CNTNAP2: variants seen among roughly 807,000 people sequenced by gnomAD.
CNTNAP2 encodes contactin-associated protein-like 2.
CNTNAP2 carries 98 observed loss-of-function variants against 155.2 expected under a neutral mutation model. The observed-to-expected ratio is 0.63, with a 90% CI of 0.54 to 0.75. The LOEUF (loss-of-function observed/expected upper bound fraction) is 0.75. Among genes scored for constraint, CNTNAP2 ranks in the 30% least tolerant of loss-of-function variants. The pLI is 0.00. For synonymous variants in CNTNAP2, 651 were observed against 631.2 expected, an observed-to-expected ratio of 1.03 and a Z score of -0.47; for missense variants, 1,727 against 1,688.1, an observed-to-expected ratio of 1.02 and a Z score of -0.40.
intron 1 of CNTNAP2, among the ~76,000 whole-genome samples, chr7:146,674,494 G>A (rs1018759937): frequency 9.3e-6 from 1 of 107,554 alleles, no homozygotes; most frequent in African/African-American, 3.7e-5. Flanking sequence ...CCTCTGTCTG[G>A]TGGAGGAAAA....
chr7:147,558,763 G>C (rs1447824245), intron 11 of CNTNAP2, among the ~76,000 whole-genome samples: 4 of 145,594 alleles, frequency 2.7e-5, no homozygotes, highest in South Asian at 2.2e-4. Flanking sequence ...CTTTCTTTGA[G>C]ATGGAGTCTT....
chr7:147,176,091 A>T (rs1802333387), intron 8 of CNTNAP2, among the ~76,000 whole-genome samples: 1 of 152,162 alleles, frequency 6.6e-6, no homozygotes, highest in Admixed American at 6.5e-5. Context: ...CCGTACTCAT[A>T]AGGATGGCTA....
intron 14 of CNTNAP2, among the ~76,000 whole-genome samples, chr7:147,968,290 G>A (rs1801260600): frequency 6.6e-6 from 1 of 152,222 alleles, no homozygotes; most frequent in Non-Finnish European, 1.5e-5. Context: ...CTCACATTTT[G>A]TAAAAGGCCT....
chr7:146,187,329 T>C (rs1798638493), intron 1 of CNTNAP2, among the ~76,000 whole-genome samples: 1 of 152,104 alleles, frequency 6.6e-6, no homozygotes, highest in Non-Finnish European at 1.5e-5. Flanking sequence ...TAGACCACAC[T>C]GTTGGCAGGC....
At chr7:147,352,462 T>A (rs1231963408) in intron 9 of CNTNAP2, among the ~76,000 whole-genome samples, 1 of 152,006 alleles carries the variant, frequency 6.6e-6, no homozygotes, top group African/African-American at 2.4e-5. Context: ...GCATATTCAA[T>A]AAAAGTTGTC....
chr7:146,914,460 A>T (rs1044953499), intron 3 of CNTNAP2, among the ~76,000 whole-genome samples: 7 of 150,174 alleles, frequency 4.7e-5, no homozygotes, highest in African/African-American at 9.7e-5. Context: ...AACATCTATT[A>T]TTTTTTTTTA....
At position 148,383,896 on chromosome 7, in the gene CNTNAP2, C is replaced by G; in HGVS notation, c.3715+8C>G. 2 of 1,612,292 alleles carry G rather than the reference C, an allele frequency of 1.2e-6. No homozygotes were observed. The highest frequency in any genetic ancestry group is 8.5e-7 in the Non-Finnish European group (1 of 1,179,440). ...TGGATCACCTGGATTCAGGTAAAGTCTTCAGCAACCTCAGGCAGGTTGCTT... is the reference window on the plus strand; with the variant it reads ...TGGATCACCTGGATTCAGGTAAAGTGTTCAGCAACCTCAGGCAGGTTGCTT... On this transcript the variant is annotated splice_region_variant and intron_variant, in intron 22 of 23. Coordinates refer to ENST00000361727, the MANE Select transcript of CNTNAP2 (RefSeq NM_014141.6).
chr7:147,732,916 T>C (rs961013327), intron 13 of CNTNAP2, among the ~76,000 whole-genome samples: 25 of 152,246 alleles, frequency 1.6e-4, no homozygotes, highest in Non-Finnish European at 3.1e-4. Context: ...TTGAGTTCTT[T>C]GTAGATTCTG....
At chr7:146,952,976 T>C (rs1268368361) in intron 3 of CNTNAP2, among the ~76,000 whole-genome samples, 1 of 152,072 alleles carries the variant, frequency 6.6e-6, no homozygotes. Context: ...TCCTCTGAGA[T>C]GATAGTTGAT....
chr7:146,271,185 A>G (rs758684086), intron 1 of CNTNAP2, among the ~76,000 whole-genome samples: 7 of 152,098 alleles, frequency 4.6e-5, no homozygotes, highest in Non-Finnish European at 7.4e-5. Flanking sequence ...ATTTCTAAAA[A>G]TCGTATTTAG....
At chr7:146,264,787 G>A (rs1295947393) in intron 1 of CNTNAP2, among the ~76,000 whole-genome samples, 1 of 152,228 alleles carries the variant, frequency 6.6e-6, no homozygotes, top group Non-Finnish European at 1.5e-5. Context: ...GCAGATCGTT[G>A]TGGAAGCTAG....
At chr7:147,695,973 G>C (rs745641485) in intron 13 of CNTNAP2, among the ~76,000 whole-genome samples, 88 of 152,248 alleles carry the variant, frequency 5.8e-4, no homozygotes, top group East Asian at 1.9e-4. Flanking sequence ...AATCTGCTCT[G>C]TCTGAAATTA....
intron 1 of CNTNAP2, among the ~76,000 whole-genome samples, chr7:146,355,373 G>A (rs1031452263): frequency 6.6e-6 from 1 of 152,102 alleles, no homozygotes; most frequent in Non-Finnish European, 1.5e-5. Flanking sequence ...ACAGCATGGG[G>A]TTCCAATAAC....
At chr7:147,321,928 C>A (rs1346196735) in intron 9 of CNTNAP2, among the ~76,000 whole-genome samples, 2 of 152,104 alleles carry the variant, frequency 1.3e-5, no homozygotes, top group African/African-American at 4.8e-5. Flanking sequence ...GTAACAGAGA[C>A]TGAAATTAAC....
intron 1 of CNTNAP2, among the ~76,000 whole-genome samples, chr7:146,431,925 C>T (rs1796178712): frequency 6.6e-6 from 1 of 152,046 alleles, no homozygotes; most frequent in Non-Finnish European, 1.5e-5. Context: ...ACATCAAATA[C>T]ATTTGTTTGC....
intron 1 of CNTNAP2, among the ~76,000 whole-genome samples, chr7:146,377,976 T>C (rs1046318140): frequency 6.6e-6 from 1 of 152,238 alleles, no homozygotes; most frequent in Non-Finnish European, 1.5e-5. Context: ...GTTACTATGC[T>C]ACTTATTTTC....
intron 3 of CNTNAP2, among the ~76,000 whole-genome samples, chr7:146,983,509 C>T (rs531821972): frequency 1.3e-5 from 2 of 152,276 alleles, no homozygotes; most frequent in East Asian, 3.9e-4. Context: ...TTCAGGATGC[C>T]TCCCTTGCCC....
chr7:147,805,048 A>T (rs1037312207), intron 13 of CNTNAP2, among the ~76,000 whole-genome samples: 1 of 151,912 alleles, frequency 6.6e-6, no homozygotes, highest in African/African-American at 2.4e-5. Context: ...GCTTCCTCTC[A>T]ATCAAAATGA....
Position 147,599,422 on chromosome 7 carries a change from G to A in CNTNAP2, c.1897+37165G>A, listed in dbSNP as rs562773461. 2.0e-5 allele frequency among the ~76,000 whole-genome samples: 3 copies of A among 149,310 alleles called. 1 individual carries two copies. Among genetic ancestry groups the A allele is most frequent in the African/African-American group, 7.4e-5 (3 of 40,738 alleles). On this transcript the variant is annotated intron_variant, in intron 12 of 23. Coordinates refer to ENST00000361727, the MANE Select transcript of CNTNAP2 (RefSeq NM_014141.6). ...CACTTTAACCCAGGAGGTGGAGGTT[G>A]CGGTAAGCCAAGATGGCACCATTGC...
Sources: gnomAD v4.1 joint callset for allele counts (sites outside exome capture counted in the v4.1 genomes callset) on GRCh38, gnomAD v4.1.1 for gene constraint, MANE v1.5 for transcripts, NCBI Gene and HGNC (gene_info 2026-07-23, HGNC 2026-07-21) for gene names.